The following RASGEF1C variants were observed in gnomAD, a reference collection of about 807,000 sequenced individuals.
RASGEF1C encodes ras-GEF domain-containing family member 1C.
In RASGEF1C, 27 loss-of-function variants were observed where a neutral mutation model predicts 58.1. The ratio of observed to expected loss-of-function variants is 0.46; its 90% CI spans 0.34 to 0.64. The LOEUF is 0.64. RASGEF1C is among the 30% of genes least tolerant of loss of function. The pLI is 0.01. For missense variants in RASGEF1C, 502 were observed against 605.1 expected (o/e 0.83, Z 1.79); for synonymous variants, 243 against 246.3 (o/e 0.99, Z 0.13).
rs73810789 is a variant in RASGEF1C, at chr5:180,136,673, C to A, written c.301-158G>T. ...GGGGGGTGCGATCCTGCTCTGCGCC[C>A]ACGGGGAGAGGAGGGGGGACGGACA... On this transcript the variant is annotated intron_variant, in intron 3 of 13. Coordinates refer to ENST00000361132, the MANE Select transcript of RASGEF1C (RefSeq NM_175062.4). 25 of 729,070 alleles carry A rather than the reference C, an allele frequency of 3.4e-5. No homozygotes were observed. The East Asian group carries it at 7.3e-4, about 21-fold the overall frequency. The allele number at this position is 729,070 out of a possible 1,614,324, so 45.2% of individuals were successfully genotyped here. A position where few individuals can be genotyped will look rare whatever the true frequency, so the allele number is the denominator to read the frequency against.
intron 6 of RASGEF1C, among the ~76,000 whole-genome samples, chr5:180,123,130 G>C (rs1410185221): frequency 6.6e-6 from 1 of 152,216 alleles, no homozygotes; most frequent in African/African-American, 2.4e-5. Context: ...AAAAGCTGTA[G>C]GAGAAATTGC....
chr5:180,148,926 A>G (rs1009100831), intron 1 of RASGEF1C, among the ~76,000 whole-genome samples: 3 of 152,072 alleles, frequency 2.0e-5, no homozygotes, highest in Non-Finnish European at 2.9e-5. Context: ...ATTCTTGTTT[A>G]TCTAGGAATG....
intron 11 of RASGEF1C, among the ~76,000 whole-genome samples, chr5:180,113,000 T>C (rs1265253550): frequency 1.3e-4 from 4 of 31,044 alleles, no homozygotes; most frequent in Non-Finnish European, 2.0e-4. Flanking sequence ...GACGGAGGGA[T>C]CCGGGCTGGA....
In RASGEF1C at chr5:180,136,393, G is replaced by A. The variant is rs267600583; in HGVS notation, c.423C>T (p.Ile141=). 1.0e-5 allele frequency: 16 copies of A among 1,557,698 alleles called. No homozygotes were observed. Among genetic ancestry groups the A allele is most frequent in the Admixed American group, 1.9e-5 (1 of 52,512 alleles). ...AGCTGCCCACCTCGTCACAGGGGGCGATGCGGCCCACGACGTCCTTAAGGT... is the reference window on the plus strand; with the variant it reads ...AGCTGCCCACCTCGTCACAGGGGGCAATGCGGCCCACGACGTCCTTAAGGT... The part of the protein sequence containing the change: ...IGHLKDVVGR[I]APCDEAYRKR... The change falls in exon 4 of 14, where the codon ATC becomes ATT. Residue 141 remains isoleucine (I), a synonymous_variant. Coordinates refer to ENST00000361132, the MANE Select transcript of RASGEF1C (RefSeq NM_175062.4).
At chr5:180,107,832 G>A (rs375747683) in intron 12 of RASGEF1C, among the ~76,000 whole-genome samples, 1 of 152,274 alleles carries the variant, frequency 6.6e-6, no homozygotes, top group South Asian at 2.1e-4. Flanking sequence ...TGGTTGGTCA[G>A]GCTGGTCTCG....
chr5:180,146,740 T>C (rs1247754808), intron 1 of RASGEF1C, among the ~76,000 whole-genome samples: 1 of 152,226 alleles, frequency 6.6e-6, no homozygotes, highest in African/African-American at 2.4e-5. Flanking sequence ...TTGAGGATGT[T>C]TGCATCATAA....
At chr5:180,145,204 T>A (rs182659578) in intron 1 of RASGEF1C, among the ~76,000 whole-genome samples, 1 of 152,308 alleles carries the variant, frequency 6.6e-6, no homozygotes, top group East Asian at 1.9e-4. Context: ...CACTGCAACC[T>A]CTGCCTCCCG....
At chr5:180,193,025 C>T (rs1023472838) in intron 1 of RASGEF1C, among the ~76,000 whole-genome samples, 2 of 147,740 alleles carry the variant, frequency 1.4e-5, no homozygotes, top group Admixed American at 6.9e-5. Context: ...GGATTACAGG[C>T]GTGAGCCATC....
At chr5:180,162,762 A>G (rs2113302188) in intron 1 of RASGEF1C, among the ~76,000 whole-genome samples, 1 of 152,340 alleles carries the variant, frequency 6.6e-6, no homozygotes, top group Admixed American at 6.5e-5. Flanking sequence ...CCACAAAAAA[A>G]TCCTGCTGGG....
At chr5:180,201,035 C>A (rs1756385791) in intron 1 of RASGEF1C, among the ~76,000 whole-genome samples, 1 of 152,154 alleles carries the variant, frequency 6.6e-6, no homozygotes, top group Non-Finnish European at 1.5e-5. Flanking sequence ...GAGTTGGAGG[C>A]TGCAGTGAGC....
At chr5:180,136,886 C>A (rs1358957638) in intron 3 of RASGEF1C, 1 of 232,102 alleles carries the variant, frequency 4.3e-6, no homozygotes, top group Non-Finnish European at 8.4e-6. Flanking sequence ...GATTGGCTCA[C>A]AGGTGGCCAC....
At chr5:180,113,195 G>A (rs1171553324) in intron 11 of RASGEF1C, among the ~76,000 whole-genome samples, 1 of 90,232 alleles carries the variant, frequency 1.1e-5, no homozygotes, top group Non-Finnish European at 2.5e-5. Flanking sequence ...AGGGATCCAG[G>A]ATGGACAGAG....
intron 1 of RASGEF1C, among the ~76,000 whole-genome samples, chr5:180,167,463 TG>T (rs1767040750): frequency 1.3e-5 from 2 of 152,296 alleles, no homozygotes; most frequent in Admixed American, 1.3e-4. Context: ...CACTCCAGCC[TG>T]GGTGACAGAG....
intron 1 of RASGEF1C, among the ~76,000 whole-genome samples, chr5:180,188,332 G>A (rs934123450): frequency 3.3e-5 from 5 of 152,234 alleles, no homozygotes; most frequent in Non-Finnish European, 5.9e-5. Context: ...GGAGAGGGTA[G>A]TAGTGAGTAA....
intron 1 of RASGEF1C, among the ~76,000 whole-genome samples, chr5:180,157,545 T>C (rs1327275837): frequency 1.3e-5 from 2 of 150,926 alleles, no homozygotes; most frequent in African/African-American, 4.9e-5. Context: ...GAGAATTGCT[T>C]GAACCCAGGA....
chr5:180,163,904 G>T (rs576049398), intron 1 of RASGEF1C, among the ~76,000 whole-genome samples: 1 of 152,114 alleles, frequency 6.6e-6, no homozygotes, highest in Non-Finnish European at 1.5e-5. Flanking sequence ...TAAATTCAAG[G>T]TCTTTAACGG....
chr5:180,119,455 A>C lies in RASGEF1C; in HGVS notation c.805-7T>G. On this transcript the variant is annotated splice_region_variant and splice_polypyrimidine_tract_variant and intron_variant, in intron 7 of 13. Coordinates refer to ENST00000361132, the MANE Select transcript of RASGEF1C (RefSeq NM_175062.4). Reference sequence around the variant, plus strand: ...TCTGCTTCTTCTTGGCTGGCTGGGGACAGGGCAGCAGAGCCTCAGTGGTGA... The same window carrying C: ...TCTGCTTCTTCTTGGCTGGCTGGGGCCAGGGCAGCAGAGCCTCAGTGGTGA... 1 of 1,611,996 alleles carries C rather than the reference A, an allele frequency of 6.2e-7. No homozygotes were observed. Among genetic ancestry groups the C allele is most frequent in the Non-Finnish European group, 8.5e-7 (1 of 1,178,268 alleles).
At chr5:180,138,692 C>T (rs932945064) in intron 1 of RASGEF1C, among the ~76,000 whole-genome samples, 2 of 152,190 alleles carry the variant, frequency 1.3e-5, no homozygotes, top group African/African-American at 4.8e-5. Flanking sequence ...CTGCTGTCCT[C>T]CTTAACCTGG....
At chr5:180,113,486 C>T (rs1314740168) in intron 11 of RASGEF1C, among the ~76,000 whole-genome samples, 2 of 55,500 alleles carry the variant, frequency 3.6e-5, no homozygotes, top group Non-Finnish European at 7.3e-5. Context: ...CGGGGATGGA[C>T]GGAGGGACCG....
Sources: gnomAD v4.1 joint callset for allele counts (sites outside exome capture counted in the v4.1 genomes callset) on GRCh38, gnomAD v4.1.1 for gene constraint, MANE v1.5 for transcripts, NCBI Gene and HGNC (gene_info 2026-07-23, HGNC 2026-07-21) for gene names.